The following YIPF1 variants were observed in gnomAD, a reference collection of about 807,000 sequenced individuals.
YIPF1 encodes the protein protein YIPF1.
A neutral mutation model predicts 37.0 loss-of-function variants in YIPF1; 22 were observed. That is an observed-to-expected ratio of 0.59 (90% CI 0.42 to 0.85). The LOEUF (loss-of-function observed/expected upper bound fraction) is 0.85. YIPF1 is among the 40% of genes least tolerant of loss of function. YIPF1 has a pLI of 0.00. For synonymous variants in YIPF1, 128 were observed against 131.9 expected (o/e 0.97, Z 0.21); for missense variants, 355 against 373.1 (o/e 0.95, Z 0.40).
chr1:53,862,541 A>C (rs1438329071), intron 9 of YIPF1, among the ~76,000 whole-genome samples: 1 of 152,162 alleles, frequency 6.6e-6, no homozygotes, highest in Non-Finnish European at 1.5e-5. Flanking sequence ...GTGTTCTTGT[A>C]TAACTTAGAC....
intron 6 of YIPF1, among the ~76,000 whole-genome samples, chr1:53,876,500 CT>C (rs1461763562): frequency 6.6e-6 from 1 of 152,236 alleles, no homozygotes; most frequent in Non-Finnish European, 1.5e-5. Flanking sequence ...ATTGTACCTT[CT>C]TCTTTTAACC....
chr1:53,873,262 T>C (rs1386530925), intron 6 of YIPF1, among the ~76,000 whole-genome samples: 1 of 151,838 alleles, frequency 6.6e-6, no homozygotes, highest in Non-Finnish European at 1.5e-5. Context: ...TATGGGAGCA[T>C]ATAGGGAAGG....
intron 10 of YIPF1, among the ~76,000 whole-genome samples, chr1:53,853,417 G>C (rs1312481336): frequency 6.6e-6 from 1 of 152,190 alleles, no homozygotes; most frequent in African/African-American, 2.4e-5. Flanking sequence ...TAATGAATTT[G>C]AGGCAACTGT....
At chr1:53,867,538 A>T (rs1053984018) in intron 7 of YIPF1, among the ~76,000 whole-genome samples, 1 of 151,768 alleles carries the variant, frequency 6.6e-6, no homozygotes, top group Non-Finnish European at 1.5e-5. Context: ...ACATCCGGCT[A>T]ATTTTTTGTA....
rs551124711 is a variant in YIPF1, at chr1:53,872,519, C to CACT, written c.365-1034_365-1032dup. ...TTCATTATTTGCATGATTTCGTGAA[C>CACT]ACTATCCTTGTCTCTCCCCATCTAG... is the stretch of plus-strand genomic sequence containing the variant. On this transcript the variant is annotated intron_variant, in intron 6 of 10. Transcript: ENST00000072644. 2.8e-4 allele frequency among the ~76,000 whole-genome samples: 43 copies of CACT among 152,312 alleles called. No individual in the cohort carries two copies. In the East Asian group the frequency reaches 6.6e-3, roughly 23 times the overall value.
intron 6 of YIPF1, among the ~76,000 whole-genome samples, chr1:53,873,991 T>C (rs1650266191): frequency 6.6e-6 from 1 of 152,010 alleles, no homozygotes; most frequent in African/African-American, 2.4e-5. Flanking sequence ...GCCTGAAAGG[T>C]CCAACACCTG....
At chr1:53,862,960 G>A (rs1649922475) in intron 9 of YIPF1, among the ~76,000 whole-genome samples, 1 of 152,086 alleles carries the variant, frequency 6.6e-6, no homozygotes, top group Non-Finnish European at 1.5e-5. Flanking sequence ...AGCGCACAAT[G>A]CCTCCAGAAG....
chr1:53,863,043 G>C (rs1045965474), intron 9 of YIPF1, among the ~76,000 whole-genome samples: 1 of 152,150 alleles, frequency 6.6e-6, no homozygotes, highest in Admixed American at 6.5e-5. Context: ...ACCTGACCAC[G>C]GGATGGTTCC....
intron 10 of YIPF1, 99 bp downstream of exon 10, chr1:53,859,957 G>C: frequency 8.5e-7 from 1 of 1,178,900 alleles, no homozygotes; most frequent in Non-Finnish European, 1.2e-6. Flanking sequence ...AAGGATGAAA[G>C]GGTCTGGCCC....
Position 53,882,074 on chromosome 1 carries a change from G to T in YIPF1, c.195+1039C>A, listed in dbSNP as rs1264914827. On this transcript the variant is annotated intron_variant, in intron 4 of 10. Coordinates refer to ENST00000072644, the MANE Select transcript of YIPF1 (RefSeq NM_018982.5). ...TGTCCTTTGCAGGGACATGGATGGA[G>T]TTGGAAGCCATTATCCTTAGCAAAC... Among the ~76,000 whole-genome samples the T allele has an allele frequency of 2.0e-5, 3 of 152,172 alleles. No homozygotes were observed. In the South Asian group the frequency reaches 6.2e-4, roughly 31 times the overall value.
chr1:53,882,289 C>A (rs1650521551), intron 4 of YIPF1, among the ~76,000 whole-genome samples: 1 of 152,096 alleles, frequency 6.6e-6, no homozygotes, highest in African/African-American at 2.4e-5. Flanking sequence ...ATGTAACAAA[C>A]CTGTACCTCC....
In YIPF1 at chr1:53,876,893, A is replaced by G. The variant is rs115156561; in HGVS notation, c.364+1422T>C. Reference sequence around the variant, plus strand: ...GTAACTACGGGCAAGTTATCTCCTTAATCTCAGTTTTCTCTTTTGTAAGAT... The same window carrying G: ...GTAACTACGGGCAAGTTATCTCCTTGATCTCAGTTTTCTCTTTTGTAAGAT... On this transcript the variant is annotated intron_variant, in intron 6 of 10. Transcript: ENST00000072644. 7.8e-3 allele frequency among the ~76,000 whole-genome samples: 1,192 copies of G among 152,274 alleles called. 10 individuals are homozygous for G. Among genetic ancestry groups the G allele is most frequent in the African/African-American group, 0.028 (1,150 of 41,558 alleles).
chr1:53,866,967 T>G (rs1650045470), intron 7 of YIPF1, 43 bp from the exon 8 acceptor site: 1 of 1,575,874 alleles, frequency 6.3e-7, no homozygotes, highest in African/African-American at 1.4e-5. Flanking sequence ...ATCATGCCTT[T>G]AGTAGACTAT....
At chr1:53,884,721 A>T (rs1650598554) in intron 3 of YIPF1, among the ~76,000 whole-genome samples, 1 of 152,170 alleles carries the variant, frequency 6.6e-6, no homozygotes, top group Non-Finnish European at 1.5e-5. Context: ...AACCTTACCT[A>T]CTTGTGTCCA....
At chr1:53,879,697 G>A (rs1432556091) in intron 4 of YIPF1, among the ~76,000 whole-genome samples, 1 of 152,220 alleles carries the variant, frequency 6.6e-6, no homozygotes, top group Non-Finnish European at 1.5e-5. Context: ...GACAAGGGCA[G>A]GTGCTATAGG....
At chr1:53,878,546 C>T in intron 5 of YIPF1, 96 bp downstream of exon 5, 1 of 1,474,202 alleles carries the variant, frequency 6.8e-7, no homozygotes, top group Non-Finnish European at 9.3e-7. Flanking sequence ...AGACCATTTT[C>T]AGTATATAAA....
chr1:53,872,129 A>G (rs535092021), intron 6 of YIPF1, among the ~76,000 whole-genome samples: 83 of 152,180 alleles, frequency 5.5e-4, no homozygotes, highest in Middle Eastern at 3.4e-3. Flanking sequence ...AATTAAAAAA[A>G]GTAATATATG....
chr1:53,861,599 A>G (rs1649876681), intron 9 of YIPF1, among the ~76,000 whole-genome samples: 1 of 146,732 alleles, frequency 6.8e-6, no homozygotes, highest in African/African-American at 2.5e-5. Context: ...TGGTGGAGAG[A>G]GAAGGAAAGA....
chr1:53,862,739 T>C (rs773176771), intron 9 of YIPF1, among the ~76,000 whole-genome samples: 41 of 152,196 alleles, frequency 2.7e-4, no homozygotes, highest in Non-Finnish European at 5.3e-4. Context: ...GCCCTAATAA[T>C]AATGTCTTCC....
Sources: allele counts gnomAD v4.1 joint callset (sites outside exome capture counted in the v4.1 genomes callset), GRCh38; gene constraint gnomAD v4.1.1; transcripts MANE v1.5; gene names NCBI Gene and HGNC (gene_info 2026-07-23, HGNC 2026-07-21).